NFX1: variants seen among roughly 807,000 people sequenced by gnomAD.
NFX1 encodes the protein transcriptional repressor NF-X1.
Under a neutral mutation model 137.2 loss-of-function variants are expected in NFX1, and 69 were observed. The ratio of observed to expected loss-of-function variants is 0.50; its 90% CI spans 0.41 to 0.61. The LOEUF (loss-of-function observed/expected upper bound fraction) is 0.61. Among genes scored for constraint, NFX1 ranks in the 20% least tolerant of loss-of-function variants. The pLI is 0.00. For synonymous variants in NFX1, 495 were observed against 474.1 expected, an observed-to-expected ratio of 1.04 and a Z score of -0.57; for missense variants, 1,167 against 1,391.0, an observed-to-expected ratio of 0.84 and a Z score of 2.56.
intron 4 of NFX1, among the ~76,000 whole-genome samples, chr9:33,303,587 C>T (rs930345746): frequency 3.9e-5 from 6 of 152,176 alleles, no homozygotes; most frequent in African/African-American, 1.4e-4. Context: ...CCAGCAGTTA[C>T]AGCTTTGATA....
chr9:33,312,666 T>G, intron 6 of NFX1, among the ~76,000 whole-genome samples: 1 of 152,082 alleles, frequency 6.6e-6, no homozygotes, highest in Non-Finnish European at 1.5e-5. Flanking sequence ...AGGTTAAGAG[T>G]TCGAGACCAG....
chr9:33,314,721 T>C (rs1395716908), intron 7 of NFX1, among the ~76,000 whole-genome samples: 2 of 152,008 alleles, frequency 1.3e-5, no homozygotes, highest in South Asian at 2.1e-4. Flanking sequence ...TAAGAACATA[T>C]AAAACTAATT....
intron 1 of NFX1, among the ~76,000 whole-genome samples, chr9:33,293,066 G>A (rs1381289400): frequency 6.6e-6 from 1 of 152,166 alleles, no homozygotes; most frequent in African/African-American, 2.4e-5. Context: ...TGACCTTTAT[G>A]ATCATTCCAT....
At position 33,354,134 on chromosome 9, in the gene NFX1, A is replaced by G. The variant is rs1823737020; in HGVS notation, c.2778A>G (p.Gly926=). The change falls in exon 18 of 24, where the codon GGA becomes GGG. Residue 926 remains glycine, a synonymous_variant. Coordinates refer to ENST00000379540, the MANE Select transcript of NFX1 (RefSeq NM_002504.6). ...CTAAGATAACAGACATGCAGCTTGGAGGTTCAGTGGAGATCAGCAAGTTAA... is the reference window on the plus strand; with the variant it reads ...CTAAGATAACAGACATGCAGCTTGGGGGTTCAGTGGAGATCAGCAAGTTAA... The part of the protein sequence containing the change: ...MASKITDMQL[G]GSVEISKLIT... 4 of 1,613,458 alleles carry G rather than the reference A, an allele frequency of 2.5e-6. No individual in the cohort carries two copies. The East Asian group carries it at 8.9e-5, about 36-fold the overall frequency.
intron 3 of NFX1, among the ~76,000 whole-genome samples, chr9:33,302,221 A>G (rs1325079085): frequency 6.6e-6 from 1 of 152,198 alleles, no homozygotes; most frequent in Non-Finnish European, 1.5e-5. Context: ...GGGGATTCCA[A>G]CACCTCAAAT....
chr9:33,316,899 T>C (rs1364695862), intron 7 of NFX1, among the ~76,000 whole-genome samples: 1 of 152,216 alleles, frequency 6.6e-6, no homozygotes, highest in African/African-American at 2.4e-5. Context: ...GTTCTGACCC[T>C]TGATTCTTTT....
chr9:33,352,539 G>A (rs1328881433), intron 16 of NFX1, 107 bp from the exon 17 acceptor site: 22 of 940,198 alleles, frequency 2.3e-5, no homozygotes, highest in Non-Finnish European at 3.8e-5. Flanking sequence ...GCCACCCACT[G>A]ACTCTCTAGT....
intron 16 of NFX1, 169 bp downstream of exon 16, chr9:33,351,959 C>T: frequency 1.6e-6 from 1 of 609,450 alleles, no homozygotes; most frequent in South Asian, 2.7e-5. Context: ...TTCTGCCTGC[C>T]CAACTTGGTA....
chr9:33,306,316 T>C (rs185376845), intron 4 of NFX1, among the ~76,000 whole-genome samples: 1 of 152,294 alleles, frequency 6.6e-6, no homozygotes, highest in Admixed American at 6.5e-5. Flanking sequence ...GGAGGAGTTA[T>C]AGAGGGAAGA....
chr9:33,344,007 G>C (rs1427733855), intron 13 of NFX1, 62 bp from the exon 14 acceptor site: 14 of 1,607,418 alleles, frequency 8.7e-6, no homozygotes, highest in Non-Finnish European at 1.2e-5. Flanking sequence ...GTGTGTGTTA[G>C]TATGTACTTG....
Position 33,294,454 on chromosome 9 carries a change from C to T in NFX1, c.60C>T (p.Phe20=). The part of the protein sequence containing the change: ...TFKFNTDAAE[F]IPQEKKNSGL... ...AATTCAATACAGATGCTGCTGAATT[C>T]ATTCCTCAGGAGAAAAAAAATTCTG... The change falls in exon 2 of 24, where the codon TTC becomes TTT. Residue 20 remains phenylalanine, a synonymous_variant. Coordinates refer to ENST00000379540, the MANE Select transcript of NFX1 (RefSeq NM_002504.6). The T allele has an allele frequency of 6.3e-7, 1 of 1,596,074 alleles. No individual in the cohort carries two copies. Among genetic ancestry groups the T allele is most frequent in the East Asian group, 2.2e-5 (1 of 44,758 alleles).
At chr9:33,312,741 C>T (rs142151972) in intron 6 of NFX1, among the ~76,000 whole-genome samples, 4 of 152,252 alleles carry the variant, frequency 2.6e-5, no homozygotes, top group East Asian at 3.9e-4. Context: ...TGTGGTGACA[C>T]GTGCCTGTAG....
intron 14 of NFX1, 87 bp from the exon 15 acceptor site, chr9:33,346,951 C>T: frequency 1.0e-6 from 1 of 975,378 alleles, no homozygotes; most frequent in Non-Finnish European, 1.5e-6. Flanking sequence ...TTAAAAGTTT[C>T]ATGCCGTATG....
intron 11 of NFX1, among the ~76,000 whole-genome samples, chr9:33,333,065 C>T (rs991735754): frequency 3.9e-5 from 6 of 152,168 alleles, no homozygotes; most frequent in African/African-American, 1.4e-4. Context: ...AGGCTGGTCT[C>T]TAACTCCTGA....
At chr9:33,332,917 C>G (rs1822862006) in intron 11 of NFX1, among the ~76,000 whole-genome samples, 1 of 152,226 alleles carries the variant, frequency 6.6e-6, no homozygotes, top group Non-Finnish European at 1.5e-5. Context: ...GCGATCTCGG[C>G]TCACTGCAAC....
intron 19 of NFX1, among the ~76,000 whole-genome samples, chr9:33,363,795 A>C (rs547588302): frequency 6.6e-6 from 1 of 152,262 alleles, no homozygotes; most frequent in Non-Finnish European, 1.5e-5. Flanking sequence ...TCAGCCTATG[A>C]CTTGCTCAGA....
chr9:33,294,052 A>G (rs1238250108), intron 1 of NFX1, among the ~76,000 whole-genome samples: 1 of 152,186 alleles, frequency 6.6e-6, no homozygotes, highest in Non-Finnish European at 1.5e-5. Context: ...ATGCTACTTT[A>G]CTGTTTTGAA....
intron 17 of NFX1, 195 bp downstream of exon 17, chr9:33,352,914 G>A: frequency 1.8e-6 from 1 of 541,654 alleles, no homozygotes. Context: ...TTTTCTAAAA[G>A]CTGGAAAGGT....
chr9:33,291,691 C>T (rs1264020579), intron 1 of NFX1, among the ~76,000 whole-genome samples: 1 of 152,228 alleles, frequency 6.6e-6, no homozygotes, highest in Non-Finnish European at 1.5e-5. Context: ...ATCACGAGGT[C>T]AGGAGATCGA....
Sources: allele counts gnomAD v4.1 joint callset (sites outside exome capture counted in the v4.1 genomes callset), GRCh38; gene constraint gnomAD v4.1.1; transcripts MANE v1.5; gene names NCBI Gene and HGNC (gene_info 2026-07-23, HGNC 2026-07-21).